DTNB: variants seen among roughly 807,000 people sequenced by gnomAD.
The protein encoded by DTNB is dystrobrevin beta.
DTNB carries 63 observed loss-of-function variants against 90.7 expected under a neutral mutation model. That is an observed-to-expected ratio of 0.69 (90% CI 0.57 to 0.86). DTNB has a LOEUF of 0.86. Among genes scored for constraint, DTNB ranks in the 40% least tolerant of loss-of-function variants. The probability of loss-of-function intolerance (pLI) is 0.00; values close to 1 mark genes in which losing one functional copy is unlikely to be tolerated. For synonymous variants in DTNB, 277 were observed against 286.7 expected (o/e 0.97, Z 0.34); for missense variants, 744 against 807.1 (o/e 0.92, Z 0.95).
rs373794202 is a variant in DTNB at position 25,576,886 on chromosome 2, G to A, written c.828C>T (p.Ala276=). The change falls in exon 8 of 21, where the codon GCC becomes GCT. Residue 276 remains alanine, a synonymous_variant. Coordinates refer to ENST00000406818, the MANE Select transcript of DTNB (RefSeq NM_021907.5). The part of the protein sequence containing the change: ...LCQNCFWRGH[A]GGPHSNQHQM... ...GGTGCTGGTTGCTGTGAGGGCCGCC[G>A]GCATGGCCACGCCAAAAGCAATTCT... is the stretch of plus-strand genomic sequence containing the variant. The A allele has an allele frequency of 6.7e-5, 108 of 1,613,202 alleles. No homozygotes were observed. Among genetic ancestry groups the A allele is most frequent in the Non-Finnish European group, 8.1e-5 (95 of 1,179,588 alleles).
intron 2 of DTNB, among the ~76,000 whole-genome samples, chr2:25,640,409 G>C: frequency 6.6e-6 from 1 of 152,056 alleles, no homozygotes; most frequent in Non-Finnish European, 1.5e-5. Context: ...GGGGGTTAAA[G>C]GAAGGATTTT....
chr2:25,537,279 T>C (rs2080050775), intron 8 of DTNB, among the ~76,000 whole-genome samples: 1 of 152,166 alleles, frequency 6.6e-6, no homozygotes, highest in Non-Finnish European at 1.5e-5. Context: ...AATGAAACAC[T>C]GCATCTGTCA....
At chr2:25,520,536 T>C (rs1433979518) in intron 9 of DTNB, among the ~76,000 whole-genome samples, 1 of 152,204 alleles carries the variant, frequency 6.6e-6, no homozygotes, top group African/African-American at 2.4e-5. Flanking sequence ...AAACAAGAAG[T>C]TAGACTTGTT....
chr2:25,403,795 T>C (rs1267399655), intron 16 of DTNB, among the ~76,000 whole-genome samples: 1 of 152,220 alleles, frequency 6.6e-6, no homozygotes, highest in East Asian at 1.9e-4. Context: ...TGGATAAACC[T>C]AGTTTGTTTG....
At chr2:25,539,790 C>T (rs903760208) in intron 8 of DTNB, among the ~76,000 whole-genome samples, 5 of 151,914 alleles carry the variant, frequency 3.3e-5, no homozygotes, top group Non-Finnish European at 5.9e-5. Flanking sequence ...AAATATTTCC[C>T]TTCCTGAGGC....
intron 4 of DTNB, among the ~76,000 whole-genome samples, chr2:25,621,533 G>A (rs535998715): frequency 2.7e-5 from 4 of 145,536 alleles, no homozygotes; most frequent in South Asian, 2.2e-4. Context: ...CGCAACTTCC[G>A]CCTCCCGGGT....
intron 1 of DTNB, among the ~76,000 whole-genome samples, chr2:25,654,749 G>A (rs1381984679): frequency 6.6e-6 from 1 of 152,180 alleles, no homozygotes. Context: ...GAGTGTTTTA[G>A]TGAATTAAAC....
At chr2:25,595,935 T>A (rs1235094149) in intron 6 of DTNB, 151 bp downstream of exon 6, 3 of 382,940 alleles carry the variant, frequency 7.8e-6, no homozygotes, top group Non-Finnish European at 9.7e-6. Flanking sequence ...TACCCCCCGC[T>A]TTTATTCATC....
At position 25,387,020 on chromosome 2, in the gene DTNB, C is replaced by A. The variant is rs2039661210; in HGVS notation, c.1825+269G>T. 6.6e-6 allele frequency among the ~76,000 whole-genome samples: 1 copy of A among 152,160 alleles called. No homozygotes were observed. Among genetic ancestry groups the A allele is most frequent in the African/African-American group, 2.4e-5 (1 of 41,424 alleles). ...TAAGTGAGGAAGGGGCCTGCCTGCA[C>A]TGAAAGGTCTGAATTTCTCTACATT... On this transcript the variant is annotated intron_variant, in intron 18 of 20. Transcript: ENST00000406818. The surrounding 1 kb of genome is among the most constrained non-coding windows in gnomAD (Gnocchi z 4.5).
intron 8 of DTNB, among the ~76,000 whole-genome samples, chr2:25,575,407 G>A (rs1338290144): frequency 6.6e-6 from 1 of 151,758 alleles, no homozygotes; most frequent in Non-Finnish European, 1.5e-5. Context: ...TTTTAAAAGT[G>A]GCTCTTCACA....
chr2:25,535,821 T>C (rs2079547265), intron 8 of DTNB, among the ~76,000 whole-genome samples: 2 of 134,670 alleles, frequency 1.5e-5, no homozygotes, highest in South Asian at 2.4e-4. Context: ...GCAGAGGTGC[T>C]CCTCACTTCC....
chr2:25,535,389 C>T (rs551739146), intron 8 of DTNB, among the ~76,000 whole-genome samples: 14 of 110,522 alleles, frequency 1.3e-4, no homozygotes, highest in African/African-American at 3.7e-4. Context: ...GGGGAGGCCG[C>T]GCAGAGGTGC....
intron 4 of DTNB, among the ~76,000 whole-genome samples, chr2:25,612,364 T>C (rs936051604): frequency 1.3e-5 from 2 of 152,018 alleles, no homozygotes; most frequent in African/African-American, 4.8e-5. Flanking sequence ...TGACAGGATA[T>C]TGAGAAAATA....
At chr2:25,517,025 T>C (rs2075262770) in intron 9 of DTNB, among the ~76,000 whole-genome samples, 1 of 152,192 alleles carries the variant, frequency 6.6e-6, no homozygotes, top group Admixed American at 6.5e-5. Context: ...GCGTTATTCA[T>C]AAGAGTCAAA....
intron 10 of DTNB, among the ~76,000 whole-genome samples, chr2:25,479,716 T>C (rs555446882): frequency 7.5e-4 from 115 of 152,354 alleles, no homozygotes; most frequent in African/African-American, 2.7e-3. Flanking sequence ...AGCATTACTT[T>C]TGGCCACTGT....
chr2:25,454,216 A>G (rs1237138882), intron 11 of DTNB, among the ~76,000 whole-genome samples: 1 of 152,192 alleles, frequency 6.6e-6, no homozygotes, highest in Non-Finnish European at 1.5e-5. Flanking sequence ...ATACCCCAGA[A>G]TAGTGATGCT....
intron 16 of DTNB, among the ~76,000 whole-genome samples, chr2:25,417,930 C>A (rs1296910258): frequency 6.6e-6 from 1 of 152,118 alleles, no homozygotes; most frequent in Non-Finnish European, 1.5e-5. Flanking sequence ...TCCCAGCCCC[C>A]TTGAGGTGAA....
intron 2 of DTNB, chr2:25,649,893 T>C: frequency 1.6e-5 from 6 of 366,002 alleles, no homozygotes; most frequent in Non-Finnish European, 2.3e-5. Flanking sequence ...CCATAGAAAG[T>C]AGTTATGCTG....
chr2:25,544,217 T>C (rs912808115), intron 8 of DTNB, among the ~76,000 whole-genome samples: 3 of 152,084 alleles, frequency 2.0e-5, no homozygotes, highest in African/African-American at 7.2e-5. Flanking sequence ...GATTCCAAAG[T>C]GGGCAGCAGG....
Sources: gnomAD v4.1 joint callset for allele counts (sites outside exome capture counted in the v4.1 genomes callset) on GRCh38, gnomAD v4.1.1 for gene constraint, Gnocchi (gnomAD v3.1) non-coding constraint, MANE v1.5 for transcripts, NCBI Gene and HGNC (gene_info 2026-07-23, HGNC 2026-07-21) for gene names.